PHF21A: variants seen among roughly 807,000 people sequenced by gnomAD.
The protein encoded by PHF21A is PHD finger protein 21A, also known as BHC80a.
A neutral mutation model predicts 82.5 loss-of-function variants in PHF21A; 11 were observed. That is an observed-to-expected ratio of 0.13 (90% confidence interval 0.08 to 0.22). The LOEUF is 0.22. PHF21A is among the 10% of genes least tolerant of loss of function. The pLI, the probability that PHF21A is intolerant of heterozygous loss-of-function variation, is 1.00. For synonymous variants in PHF21A, 297 were observed against 302.8 expected, an observed-to-expected ratio of 0.98 and a Z score of 0.20; for missense variants, 579 against 837.8, an observed-to-expected ratio of 0.69 and a Z score of 3.81.
At chr11:46,056,142 A>C (rs2096453152) in intron 6 of PHF21A, among the ~76,000 whole-genome samples, 1 of 152,172 alleles carries the variant, frequency 6.6e-6, no homozygotes, top group Admixed American at 6.6e-5. Context: ...TATGTAATTT[A>C]ATGCCTCCGG....
In PHF21A at chr11:45,971,055, A is replaced by G; in HGVS notation, c.612+61T>C. ...AGCAGGAGCCTAGAAGGGATATACT[A>G]TACAAATGCGTATCCTAACCTTCTC... is the stretch of plus-strand genomic sequence containing the variant. On this transcript the variant is annotated intron_variant, in intron 8 of 18. Coordinates refer to ENST00000676320, the MANE Select transcript of PHF21A (RefSeq NM_001352027.3). 16 of 1,577,282 alleles carry G rather than the reference A, an allele frequency of 1.0e-5. No homozygotes were observed. In the South Asian group the frequency reaches 1.5e-4, roughly 15 times the overall value.
intron 7 of PHF21A, among the ~76,000 whole-genome samples, chr11:45,976,367 A>G (rs377208245): frequency 2.6e-5 from 4 of 152,310 alleles, no homozygotes; most frequent in African/African-American, 9.6e-5. Context: ...TTGAAAATAG[A>G]AACTCTCTGA....
chr11:45,945,728 G>T, intron 15 of PHF21A, 112 bp downstream of exon 15: 1 of 866,540 alleles, frequency 1.2e-6, no homozygotes. Context: ...GTGTTTAATT[G>T]CTGTTCCAGG....
chr11:46,105,842 A>C (rs969343942), intron 1 of PHF21A, among the ~76,000 whole-genome samples: 1 of 152,220 alleles, frequency 6.6e-6, no homozygotes, highest in African/African-American at 2.4e-5. Flanking sequence ...TTTGCTTCAG[A>C]TTCTGAATAT....
chr11:46,024,454 C>T (rs1397935869), intron 6 of PHF21A, among the ~76,000 whole-genome samples: 1 of 152,110 alleles, frequency 6.6e-6, no homozygotes, highest in Non-Finnish European at 1.5e-5. Context: ...TCTGATGTGG[C>T]CACCTAGTTT....
intron 6 of PHF21A, among the ~76,000 whole-genome samples, chr11:46,008,914 T>C (rs1346150142): frequency 6.6e-6 from 1 of 151,560 alleles, no homozygotes; most frequent in East Asian, 1.9e-4. Context: ...ATCAGATCCT[T>C]CAATCAGACT....
At chr11:45,965,700 T>C (rs1018197180) in intron 9 of PHF21A, 92 bp from the exon 10 acceptor site, 3 of 922,126 alleles carry the variant, frequency 3.3e-6, no homozygotes, top group Admixed American at 3.0e-5. Context: ...TGAAATGGTG[T>C]TTAATACACT....
chr11:45,943,121 C>CTTTTTTT (rs3061870), intron 15 of PHF21A, among the ~76,000 whole-genome samples: 2 of 112,120 alleles, frequency 1.8e-5, no homozygotes, highest in South Asian at 2.9e-4. Flanking sequence ...TCTTTCTTTC[C>CTTTTTTT]TTTTTTTTTT....
At chr11:45,953,290 T>G (rs2092335433) in intron 11 of PHF21A, among the ~76,000 whole-genome samples, 1 of 152,188 alleles carries the variant, frequency 6.6e-6, no homozygotes, top group African/African-American at 2.4e-5. Flanking sequence ...TTTAAAAAAC[T>G]TTTCCTTTGA....
At chr11:46,109,132 T>C (rs1418396114) in intron 1 of PHF21A, among the ~76,000 whole-genome samples, 1 of 152,226 alleles carries the variant, frequency 6.6e-6, no homozygotes, top group African/African-American at 2.4e-5. Flanking sequence ...TAGTTTAGTA[T>C]AGCATTTTGG....
chr11:45,955,600 C>G (rs2092574875), intron 10 of PHF21A, among the ~76,000 whole-genome samples: 1 of 152,144 alleles, frequency 6.6e-6, no homozygotes, highest in East Asian at 1.9e-4. Flanking sequence ...TTCCTTTCCA[C>G]TAAAAAATTA....
At chr11:45,987,810 T>C (rs1459975262) in intron 6 of PHF21A, among the ~76,000 whole-genome samples, 1 of 152,126 alleles carries the variant, frequency 6.6e-6, no homozygotes, top group African/African-American at 2.4e-5. Context: ...AGAACACCGC[T>C]GCACATACCA....
intron 6 of PHF21A, among the ~76,000 whole-genome samples, chr11:45,995,597 T>A (rs1004728514): frequency 2.0e-5 from 3 of 152,164 alleles, no homozygotes; most frequent in African/African-American, 7.2e-5. Context: ...CCATTAACCT[T>A]CCACATGAGA....
chr11:45,950,330 G>T (rs1485599165), intron 11 of PHF21A, 73 bp from the exon 12 acceptor site: 3 of 1,310,794 alleles, frequency 2.3e-6, no homozygotes, highest in African/African-American at 1.5e-5. Flanking sequence ...GTTCCTAGTA[G>T]GACATTAGGG....
chr11:45,942,133 T>C (rs2090465382), intron 15 of PHF21A, among the ~76,000 whole-genome samples: 1 of 152,250 alleles, frequency 6.6e-6, no homozygotes, highest in Admixed American at 6.5e-5. Flanking sequence ...TCAATTATCT[T>C]AAAAATACCT....
At chr11:45,969,622 G>A (rs1299272329) in intron 9 of PHF21A, among the ~76,000 whole-genome samples, 193 bp downstream of exon 9, 5 of 152,166 alleles carry the variant, frequency 3.3e-5, no homozygotes, top group Non-Finnish European at 7.3e-5. Context: ...CCCTGCTACT[G>A]CCTTTGGTCA....
At chr11:46,023,777 G>A (rs1339101526) in intron 6 of PHF21A, among the ~76,000 whole-genome samples, 1 of 152,156 alleles carries the variant, frequency 6.6e-6, no homozygotes, top group Non-Finnish European at 1.5e-5. Flanking sequence ...CCAACATGGT[G>A]AAACCCTGTT....
chr11:45,980,586 C>T (rs1383934517), intron 6 of PHF21A, among the ~76,000 whole-genome samples: 1 of 152,158 alleles, frequency 6.6e-6, no homozygotes, highest in Non-Finnish European at 1.5e-5. Flanking sequence ...ATAGTGCATG[C>T]ACTACAGCCT....
intron 10 of PHF21A, among the ~76,000 whole-genome samples, chr11:45,962,031 T>C (rs1342796917): frequency 6.6e-6 from 1 of 152,136 alleles, no homozygotes; most frequent in African/African-American, 2.4e-5. Context: ...ATAACTGGCA[T>C]TGCCTTCTCC....
Sources: gnomAD v4.1 joint callset for allele counts (sites outside exome capture counted in the v4.1 genomes callset) on GRCh38, gnomAD v4.1.1 for gene constraint, MANE v1.5 for transcripts, NCBI Gene and HGNC (gene_info 2026-07-23, HGNC 2026-07-21) for gene names.